The following ARHGAP25 variants were observed in gnomAD, a reference collection of about 807,000 sequenced individuals.
ARHGAP25 encodes the protein Rho GTPase activating protein 25.
A neutral mutation model predicts 71.0 loss-of-function variants in ARHGAP25; 34 were observed. That is an observed-to-expected ratio of 0.48 (90% CI 0.36 to 0.64). The LOEUF (loss-of-function observed/expected upper bound fraction) is 0.64. ARHGAP25 is among the 30% of genes least tolerant of loss of function. The pLI is 0.00. For missense variants in ARHGAP25, 706 were observed against 805.1 expected (o/e 0.88, Z 1.49); for synonymous variants, 282 against 296.5 (o/e 0.95, Z 0.50).
chr2:68,825,886 G>A, intron 10 of ARHGAP25, 101 bp from the exon 11 acceptor site: 1 of 1,025,934 alleles, frequency 9.7e-7, no homozygotes, highest in Non-Finnish European at 1.4e-6. Flanking sequence ...TAAGGGTCTT[G>A]TGATTTGAAA....
intron 1 of ARHGAP25, among the ~76,000 whole-genome samples, chr2:68,763,104 T>C (rs988909768): frequency 2.0e-5 from 3 of 152,238 alleles, no homozygotes; most frequent in African/African-American, 7.2e-5. Context: ...TCGATACTTT[T>C]TCACAAGTCA....
At chr2:68,811,671 A>C (rs1045106141) in intron 5 of ARHGAP25, among the ~76,000 whole-genome samples, 1 of 152,160 alleles carries the variant, frequency 6.6e-6, no homozygotes, top group Non-Finnish European at 1.5e-5. Context: ...GACAGCTACA[A>C]CAACTGGCTG....
chr2:68,810,354 A>G (rs2103646117), intron 5 of ARHGAP25, among the ~76,000 whole-genome samples: 1 of 152,348 alleles, frequency 6.6e-6, no homozygotes, highest in South Asian at 2.1e-4. Flanking sequence ...AACTTAGAAC[A>G]GGGGCTTTTC....
intron 4 of ARHGAP25, among the ~76,000 whole-genome samples, chr2:68,791,942 G>A (rs1679205607): frequency 6.6e-6 from 1 of 152,016 alleles, no homozygotes; most frequent in Non-Finnish European, 1.5e-5. Context: ...CTTCTCTAAG[G>A]GCTTGTGACT....
intron 1 of ARHGAP25, among the ~76,000 whole-genome samples, chr2:68,746,718 C>A (rs1675848474): frequency 1.3e-5 from 2 of 149,700 alleles, no homozygotes. Flanking sequence ...CCTCCCCATC[C>A]CCACAGGGCC....
At chr2:68,747,887 G>A (rs1429894464) in intron 1 of ARHGAP25, among the ~76,000 whole-genome samples, 1 of 151,440 alleles carries the variant, frequency 6.6e-6, no homozygotes, top group African/African-American at 2.5e-5. Flanking sequence ...TATCTCCAAT[G>A]CTGTAAACAC....
chr2:68,745,341 A>G (rs901663556), intron 1 of ARHGAP25, among the ~76,000 whole-genome samples: 8 of 151,916 alleles, frequency 5.3e-5, no homozygotes, highest in African/African-American at 1.9e-4. Context: ...ACCACATCCT[A>G]TGTGCCCAGC....
chr2:68,749,219 T>C (rs916032685), intron 1 of ARHGAP25, among the ~76,000 whole-genome samples: 4 of 152,160 alleles, frequency 2.6e-5, no homozygotes, highest in African/African-American at 9.7e-5. Flanking sequence ...GAATTTGTTA[T>C]TTTGTTGTGA....
chr2:68,819,640 A>C (rs1202665400), intron 9 of ARHGAP25: 4 of 565,976 alleles, frequency 7.1e-6, no homozygotes, highest in Middle Eastern at 9.0e-4. Flanking sequence ...AATGTATACA[A>C]CATTGTAAAT....
At chr2:68,798,743 G>A (rs1679752013) in intron 4 of ARHGAP25, among the ~76,000 whole-genome samples, 1 of 152,228 alleles carries the variant, frequency 6.6e-6, no homozygotes, top group South Asian at 2.1e-4. Context: ...GCCAGCAGAA[G>A]CTAACTAGAC....
chr2:68,784,721 A>G (rs1387512135), intron 3 of ARHGAP25, among the ~76,000 whole-genome samples: 1 of 152,256 alleles, frequency 6.6e-6, no homozygotes. Context: ...ACCTCCTATG[A>G]GCCAAGTACT....
intron 2 of ARHGAP25, among the ~76,000 whole-genome samples, chr2:68,725,738 C>CTTGT (rs1314728333): frequency 2.6e-5 from 4 of 152,194 alleles, no homozygotes; most frequent in Admixed American, 2.0e-4. Flanking sequence ...AATTCGTCCC[C>CTTGT]TATTACCTTG....
chr2:68,749,770 AT>A, intron 1 of ARHGAP25, among the ~76,000 whole-genome samples: 1 of 152,164 alleles, frequency 6.6e-6, no homozygotes, highest in East Asian at 1.9e-4. Flanking sequence ...TGGTCTAGGT[AT>A]TCGAACTTTT....
intron 2 of ARHGAP25, among the ~76,000 whole-genome samples, chr2:68,721,533 GT>G (rs1215941711): frequency 1.3e-5 from 2 of 152,224 alleles, no homozygotes; most frequent in Non-Finnish European, 2.9e-5. Flanking sequence ...TGTGGACTCA[GT>G]TTACATTAAA....
intron 4 of ARHGAP25, among the ~76,000 whole-genome samples, chr2:68,802,224 C>T (rs1344847592): frequency 3.0e-5 from 4 of 132,120 alleles, no homozygotes; most frequent in African/African-American, 7.5e-5. Flanking sequence ...CTGGCTAACA[C>T]GGAGAAACCC....
intron 2 of ARHGAP25, among the ~76,000 whole-genome samples, chr2:68,717,188 G>T (rs1558596508): frequency 1.3e-5 from 2 of 152,176 alleles, no homozygotes; most frequent in Admixed American, 6.5e-5. Flanking sequence ...GTAAGTATTT[G>T]TGCATCTAAA....
At chr2:68,716,545 T>C (rs61546920) in intron 2 of ARHGAP25, among the ~76,000 whole-genome samples, 35,678 of 152,090 alleles carry the variant, frequency 0.23, 4,430 homozygotes, top group East Asian at 0.37. Flanking sequence ...TATCCTTCCC[T>C]GAAGCTTGGG....
chr2:68,790,363 T>G (rs1312995174), intron 4 of ARHGAP25, among the ~76,000 whole-genome samples: 1 of 152,178 alleles, frequency 6.6e-6, no homozygotes, highest in African/African-American at 2.4e-5. Flanking sequence ...AGAGTCTCAT[T>G]TGAGGCCACT....
upstream of ARHGAP25, among the ~76,000 whole-genome samples, chr2:68,732,514 C>T (rs1317757358): frequency 6.6e-6 from 1 of 152,204 alleles, no homozygotes; most frequent in Non-Finnish European, 1.5e-5. Flanking sequence ...TTGGGTCAGG[C>T]AGGCAGTAGT....
Sources: gnomAD v4.1 joint callset for allele counts (sites outside exome capture counted in the v4.1 genomes callset) on GRCh38, gnomAD v4.1.1 for gene constraint, MANE v1.5 for transcripts, NCBI Gene and HGNC (gene_info 2026-07-23, HGNC 2026-07-21) for gene names.